Variants in RALYL observed in about 807,000 individuals in gnomAD.
RALYL encodes the protein RNA-binding Raly-like protein.
Under a neutral mutation model 35.1 loss-of-function variants are expected in RALYL, and 29 were observed. The ratio of observed to expected loss-of-function variants is 0.83; its 90% CI spans 0.61 to 1.13. The LOEUF (loss-of-function observed/expected upper bound fraction) is 1.13, where lower values mean the gene tolerates loss of function less well. RALYL is among the 50% of genes most tolerant of loss of function. The pLI is 0.00. For synonymous variants in RALYL, 120 were observed against 127.6 expected (o/e 0.94, Z 0.40); for missense variants, 359 against 360.4 (o/e 1.00, Z 0.03).
intron 2 of RALYL, among the ~76,000 whole-genome samples, chr8:84,530,395 C>T (rs957336432): frequency 1.3e-5 from 2 of 151,720 alleles, no homozygotes; most frequent in African/African-American, 2.4e-5. Flanking sequence ...CTTCATATGC[C>T]CAGAACAAAA....
Position 84,847,784 on chromosome 8 carries a change from C to T in RALYL, c.366-2196C>T, listed in dbSNP as rs566068349. ...ACAGCATTGCTCTAGCCATACAATGCTCAGTCTTCCATTCAGATGCTCAAA... is the reference window on the plus strand; with the variant it reads ...ACAGCATTGCTCTAGCCATACAATGTTCAGTCTTCCATTCAGATGCTCAAA... On this transcript the variant is annotated intron_variant, in intron 4 of 8. Coordinates refer to ENST00000521268, the MANE Select transcript of RALYL (RefSeq NM_173848.7). Among the ~76,000 whole-genome samples the T allele has an allele frequency of 7.2e-5, 11 of 152,284 alleles. No individual in the cohort carries two copies. The East Asian group carries it at 1.9e-3, about 27-fold the overall frequency.
intron 2 of RALYL, among the ~76,000 whole-genome samples, chr8:84,552,338 G>GTATATATATA (rs779399854): frequency 1.8e-4 from 13 of 73,924 alleles, no homozygotes; most frequent in East Asian, 1.2e-3. Flanking sequence ...GGATGTGTGT[G>GTATATATATA]TATATATATA....
At chr8:84,598,632 CTT>C (rs1215492000) in intron 2 of RALYL, among the ~76,000 whole-genome samples, 4 of 151,942 alleles carry the variant, frequency 2.6e-5, no homozygotes, top group East Asian at 1.9e-4. Context: ...ATTAAAATGT[CTT>C]ATATATATCT....
At chr8:84,555,178 C>A (rs191525804) in intron 2 of RALYL, among the ~76,000 whole-genome samples, 544 of 152,290 alleles carry the variant, frequency 3.6e-3, no homozygotes, top group Non-Finnish European at 5.4e-3. Context: ...ACTCAGGAGG[C>A]TGAGGCAGGA....
chr8:84,687,648 A>C (rs1016001571), intron 2 of RALYL, among the ~76,000 whole-genome samples: 2 of 152,188 alleles, frequency 1.3e-5, no homozygotes, highest in Non-Finnish European at 2.9e-5. Flanking sequence ...TGGCAAAATT[A>C]CTGAACCTAT....
chr8:84,674,884 G>A (rs892645774), intron 2 of RALYL, among the ~76,000 whole-genome samples: 1 of 151,808 alleles, frequency 6.6e-6, no homozygotes, highest in Non-Finnish European at 1.5e-5. Context: ...TACAAAGTAA[G>A]CACAGTTTGA....
chr8:84,588,413 A>T (rs1354710831), intron 2 of RALYL, among the ~76,000 whole-genome samples: 2 of 152,190 alleles, frequency 1.3e-5, no homozygotes, highest in African/African-American at 4.8e-5. Context: ...CACTGGAAAT[A>T]GTTGCCAGGG....
At chr8:84,780,003 G>A (rs2133690581) in intron 3 of RALYL, among the ~76,000 whole-genome samples, 1 of 152,304 alleles carries the variant, frequency 6.6e-6, no homozygotes, top group South Asian at 2.1e-4. Context: ...TATACTGTTT[G>A]CTGAGAAATG....
rs542433699 is a variant in RALYL, at chr8:84,843,153, A to G, written c.366-6827A>G. ...AAGAGAAGGAAATAAAGGGTATTCA[A>G]TTAGGAAAAGAGGAAGTCATATTGT... On this transcript the variant is annotated intron_variant, in intron 4 of 8. Transcript: ENST00000521268. 2.0e-5 allele frequency among the ~76,000 whole-genome samples: 3 copies of G among 152,314 alleles called. No homozygotes were observed. The East Asian group carries it at 5.8e-4, about 29-fold the overall frequency.
At chr8:84,655,294 GTTT>G (rs59135306) in intron 2 of RALYL, among the ~76,000 whole-genome samples, 6 of 147,040 alleles carry the variant, frequency 4.1e-5, no homozygotes, top group Non-Finnish European at 7.6e-5. Flanking sequence ...GATTATTAGG[GTTT>G]TTTTTTTGTT....
In RALYL at chr8:84,192,886, A is replaced by AGT. The variant is rs758028998; in HGVS notation, c.-24+8482_-24+8483dup. ...GAGTCATCAAAGGAGTGAGGGAGGG[A>AGT]GTGTGTGTGTGTGTGTGTGTGGGGG... On this transcript the variant is annotated intron_variant, in intron 1 of 8. Transcript: ENST00000521268. 6.6e-3 allele frequency among the ~76,000 whole-genome samples: 484 copies of AGT among 73,148 alleles called. 11 individuals are homozygous for AGT. Among genetic ancestry groups the AGT allele is most frequent in the East Asian group, 0.017 (36 of 2,150 alleles). The allele number at this position is 73,148 out of a possible 152,430, so 48.0% of individuals were successfully genotyped here.
intron 1 of RALYL, among the ~76,000 whole-genome samples, chr8:84,290,441 T>A (rs1838548067): frequency 1.3e-5 from 2 of 151,248 alleles, no homozygotes; most frequent in African/African-American, 4.9e-5. Flanking sequence ...TTTATAGGAT[T>A]TGGGTAGGTA....
chr8:84,549,027 T>C (rs1022817689), intron 2 of RALYL, among the ~76,000 whole-genome samples: 2 of 152,202 alleles, frequency 1.3e-5, no homozygotes, highest in Non-Finnish European at 2.9e-5. Context: ...TGTTTCCATA[T>C]GGATCTACTA....
intron 2 of RALYL, among the ~76,000 whole-genome samples, chr8:84,538,511 T>A (rs2059775816): frequency 6.6e-6 from 1 of 152,196 alleles, no homozygotes; most frequent in African/African-American, 2.4e-5. Context: ...TTTGTTGTTT[T>A]AGATGCTTGC....
At chr8:84,266,889 G>A (rs1356915660) in intron 1 of RALYL, among the ~76,000 whole-genome samples, 4 of 151,106 alleles carry the variant, frequency 2.6e-5, no homozygotes, top group Non-Finnish European at 5.9e-5. Flanking sequence ...GAACCCGGGA[G>A]GCGGAGCTTG....
At chr8:84,399,596 C>A (rs1563852984) in intron 1 of RALYL, among the ~76,000 whole-genome samples, 1 of 152,222 alleles carries the variant, frequency 6.6e-6, no homozygotes, top group African/African-American at 2.4e-5. Flanking sequence ...CAAAGCCACA[C>A]TGCTTTCAAA....
intron 1 of RALYL, among the ~76,000 whole-genome samples, chr8:84,247,180 G>A (rs979686885): frequency 6.6e-6 from 1 of 152,110 alleles, no homozygotes; most frequent in Non-Finnish European, 1.5e-5. Flanking sequence ...AACTGAACTG[G>A]GTAGAAATGG....
intron 2 of RALYL, among the ~76,000 whole-genome samples, chr8:84,704,446 G>GACAC (rs3068023): frequency 0.03 from 3,103 of 104,038 alleles, 167 homozygotes; most frequent in Admixed American, 0.16. Context: ...AATACACACA[G>GACAC]ACACACACAC....
intron 2 of RALYL, among the ~76,000 whole-genome samples, chr8:84,631,758 C>T (rs1465330578): frequency 2.6e-5 from 4 of 151,834 alleles, no homozygotes; most frequent in Non-Finnish European, 5.9e-5. Context: ...TCTCCAACAT[C>T]CTTCTTTTTG....
Sources: allele counts gnomAD v4.1 joint callset (sites outside exome capture counted in the v4.1 genomes callset), GRCh38; gene constraint gnomAD v4.1.1; transcripts MANE v1.5; gene names NCBI Gene and HGNC (gene_info 2026-07-23, HGNC 2026-07-21).